CYP2C19: variants seen among roughly 807,000 people sequenced by gnomAD.
The protein encoded by CYP2C19 is cytochrome P450 2C19.
A neutral mutation model predicts 40.9 loss-of-function variants in CYP2C19; 59 were observed. The ratio of observed to expected loss-of-function variants is 1.44; its 90% confidence interval spans 1.17 to 1.79. The LOEUF (loss-of-function observed/expected upper bound fraction) is 1.79. Among genes scored for constraint, CYP2C19 ranks in the 40% most tolerant of loss-of-function variants. The pLI, the probability that CYP2C19 is intolerant of heterozygous loss-of-function variation, is 0.00. For synonymous variants in CYP2C19, 253 were observed against 208.7 expected (o/e 1.21, Z -1.83); for missense variants, 754 against 596.9 (o/e 1.26, Z -2.74).
intron 5 of CYP2C19, among the ~76,000 whole-genome samples, chr10:94,808,884 C>T (rs1052420920): frequency 2.6e-5 from 4 of 152,156 alleles, no homozygotes; most frequent in Non-Finnish European, 5.9e-5. Context: ...ATAAACAGTG[C>T]TGAAACAAAC....
intron 6 of CYP2C19, among the ~76,000 whole-genome samples, chr10:94,837,571 A>G (rs1226432106): frequency 6.6e-6 from 1 of 152,176 alleles, no homozygotes; most frequent in Non-Finnish European, 1.5e-5. Context: ...TGAAAAGAGT[A>G]AAGTTCCTCA....
chr10:94,834,907 C>A (rs980679741), intron 6 of CYP2C19, among the ~76,000 whole-genome samples: 2 of 152,156 alleles, frequency 1.3e-5, no homozygotes, highest in African/African-American at 4.8e-5. Context: ...CCCATCTCAA[C>A]ATGAAAACCC....
chr10:94,848,001 C>G (rs1478574317), intron 7 of CYP2C19, among the ~76,000 whole-genome samples: 1 of 152,124 alleles, frequency 6.6e-6, no homozygotes, highest in Non-Finnish European at 1.5e-5. Context: ...GAGTAGATTG[C>G]AAAAATTTTC....
chr10:94,778,245 G>A (rs945087628), intron 3 of CYP2C19, among the ~76,000 whole-genome samples: 6 of 152,180 alleles, frequency 3.9e-5, no homozygotes, highest in African/African-American at 1.4e-4. Context: ...GTCAACATAA[G>A]TAAACAAGCC....
At chr10:94,827,457 T>G (rs1849246927) in intron 6 of CYP2C19, among the ~76,000 whole-genome samples, 1 of 152,070 alleles carries the variant, frequency 6.6e-6, no homozygotes, top group East Asian at 1.9e-4. Flanking sequence ...CATAGAGGTG[T>G]TTGTAGTATT....
chr10:94,764,878 G>A (rs917991846), intron 1 of CYP2C19, among the ~76,000 whole-genome samples: 10 of 152,198 alleles, frequency 6.6e-5, no homozygotes, highest in African/African-American at 2.4e-4. Flanking sequence ...CCTAACTCCA[G>A]AGGTTGGTAT....
chr10:94,777,205 T>C (rs1486224598), intron 3 of CYP2C19, among the ~76,000 whole-genome samples: 1 of 152,130 alleles, frequency 6.6e-6, no homozygotes, highest in Non-Finnish European at 1.5e-5. Context: ...AGAATCAATA[T>C]TGTGAAAATG....
Position 94,774,883 on chromosome 10 carries a change from T to C in CYP2C19, c.169-175T>C, listed in dbSNP as rs1848384935. The C allele has an allele frequency of 4.4e-6, 3 of 686,298 alleles. No individual in the cohort carries two copies. In the South Asian group the frequency reaches 5.9e-5, roughly 13 times the overall value. The allele number at this position is 686,298 out of a possible 1,614,324, so 42.5% of individuals were successfully genotyped here. A position where few individuals can be genotyped will look rare whatever the true frequency, so the allele number is the denominator to read the frequency against. On this transcript the variant is annotated intron_variant, in intron 1 of 8. Transcript: ENST00000371321. ...CCATTGCCTTGAACATCATAGGCCATCTGAGTGGCAAGTATAATAATCATC... is the reference window on the plus strand; with the variant it reads ...CCATTGCCTTGAACATCATAGGCCACCTGAGTGGCAAGTATAATAATCATC...
At chr10:94,793,277 A>T (rs564961211) in intron 5 of CYP2C19, among the ~76,000 whole-genome samples, 1 of 152,048 alleles carries the variant, frequency 6.6e-6, no homozygotes, top group Non-Finnish European at 1.5e-5. Context: ...CAAGGTTTTA[A>T]CTTCTTTGTG....
rs1848385769 is a variant in CYP2C19, at chr10:94,774,945, C to T, written c.169-113C>T. Reference sequence around the variant, plus strand: ...ATATAAAATTCAGAAATATTTGAGCCTGTGTGACTGAATAAAAGCATACAA... The same window carrying T: ...ATATAAAATTCAGAAATATTTGAGCTTGTGTGACTGAATAAAAGCATACAA... On this transcript the variant is annotated intron_variant, in intron 1 of 8. Transcript: ENST00000371321. 3.6e-6 allele frequency: 4 copies of T among 1,108,122 alleles called. No individual in the cohort carries two copies. In the South Asian group the frequency reaches 6.3e-5, roughly 17 times the overall value. 68.6% of individuals were successfully genotyped at this position (1,108,122 alleles called of 1,614,324 possible).
At chr10:94,804,417 G>A (rs186414296) in intron 5 of CYP2C19, among the ~76,000 whole-genome samples, 5 of 152,290 alleles carry the variant, frequency 3.3e-5, no homozygotes, top group East Asian at 1.9e-4. Context: ...AAATATCTGC[G>A]TGGCCATGAT....
chr10:94,802,550 G>A (rs1052778429), intron 5 of CYP2C19, among the ~76,000 whole-genome samples: 1 of 152,082 alleles, frequency 6.6e-6, no homozygotes, highest in Non-Finnish European at 1.5e-5. Context: ...TTGCCAGTCT[G>A]TGTCTTTTAA....
intron 4 of CYP2C19, 42 bp downstream of exon 4, chr10:94,780,701 C>CT (rs748577817): frequency 2.5e-6 from 4 of 1,607,508 alleles, no homozygotes; most frequent in East Asian, 2.2e-5. Flanking sequence ...CACTTACAGT[C>CT]TTTTTTTCTG....
chr10:94,840,601 G>A (rs1016965217), intron 6 of CYP2C19, among the ~76,000 whole-genome samples: 2 of 152,326 alleles, frequency 1.3e-5, no homozygotes, highest in East Asian at 3.8e-4. Flanking sequence ...AAAGAAAGTC[G>A]TGGTCAGGAC....
At chr10:94,828,450 T>G (rs1849268204) in intron 6 of CYP2C19, among the ~76,000 whole-genome samples, 2 of 148,008 alleles carry the variant, frequency 1.4e-5, no homozygotes, top group South Asian at 4.5e-4. Flanking sequence ...TCTTTGTTGG[T>G]TTAAAGTCTG....
chr10:94,820,462 A>T, intron 5 of CYP2C19, 34 bp from the exon 6 acceptor site: 1 of 1,611,086 alleles, frequency 6.2e-7, no homozygotes, highest in Non-Finnish European at 8.5e-7. Context: ...GCTGTTAAAT[A>T]ATTTGTCAGA....
At chr10:94,811,763 A>G (rs944381709) in intron 5 of CYP2C19, among the ~76,000 whole-genome samples, 2 of 151,778 alleles carry the variant, frequency 1.3e-5, no homozygotes, top group African/African-American at 4.8e-5. Context: ...TTTTGAGCCT[A>G]TGTGTGTCTT....
chr10:94,783,261 G>A (rs923887514), intron 5 of CYP2C19, among the ~76,000 whole-genome samples: 4 of 152,082 alleles, frequency 2.6e-5, no homozygotes, highest in Non-Finnish European at 5.9e-5. Context: ...TGGAGAATGG[G>A]AAAGAATGGT....
At chr10:94,830,257 G>T (rs1564679340) in intron 6 of CYP2C19, among the ~76,000 whole-genome samples, 1 of 152,220 alleles carries the variant, frequency 6.6e-6, no homozygotes. Context: ...CCCCAGCCTT[G>T]CTGCCACCTT....
Sources: allele counts gnomAD v4.1 joint callset (sites outside exome capture counted in the v4.1 genomes callset), GRCh38; gene constraint gnomAD v4.1.1; transcripts MANE v1.5; gene names NCBI Gene and HGNC (gene_info 2026-07-23, HGNC 2026-07-21).